Variants in SRRM1 observed in about 807,000 individuals in gnomAD.
The protein encoded by SRRM1 is serine and arginine repetitive matrix 1.
Under a neutral mutation model 110.2 loss-of-function variants are expected in SRRM1, and 19 were observed. That is an observed-to-expected ratio of 0.17 (90% confidence interval 0.12 to 0.25). The LOEUF is 0.25. Among genes scored for constraint, SRRM1 ranks in the 10% least tolerant of loss-of-function variants. The pLI is 1.00. For missense variants in SRRM1, 918 were observed against 1,145.8 expected, an observed-to-expected ratio of 0.80 and a Z score of 2.87; for synonymous variants, 443 against 414.9, an observed-to-expected ratio of 1.07 and a Z score of -0.82.
At chr1:24,659,172 C>A (rs1364397626) in intron 9 of SRRM1, among the ~76,000 whole-genome samples, 3 of 147,836 alleles carry the variant, frequency 2.0e-5, no homozygotes, top group African/African-American at 5.0e-5. Context: ...CCAGCCTAGG[C>A]AACAAGAGCG....
intron 12 of SRRM1, among the ~76,000 whole-genome samples, chr1:24,663,903 AATAATAAT>A (rs1247331536): frequency 6.8e-6 from 1 of 147,860 alleles, no homozygotes; most frequent in Non-Finnish European, 1.5e-5. Flanking sequence ...TAATAATAAT[AATAATAAT>A]AATAAATAAA....
At chr1:24,649,864 G>A (rs1659613159) in intron 4 of SRRM1, 107 bp from the exon 5 acceptor site, 1 of 981,198 alleles carries the variant, frequency 1.0e-6, no homozygotes, top group African/African-American at 1.7e-5. Flanking sequence ...CAAAAGAAGA[G>A]GCCGATGAAA....
intron 6 of SRRM1, 27 bp from the exon 7 acceptor site, chr1:24,652,401 CAAAAAA>C (rs60568839): frequency 8.3e-6 from 9 of 1,085,242 alleles, no homozygotes; most frequent in African/African-American, 2.3e-5. Flanking sequence ...TACAAGAAGG[CAAAAAA>C]AAAAAAAAAA....
At chr1:24,666,173 T>C (rs1341407247) in intron 12 of SRRM1, among the ~76,000 whole-genome samples, 1 of 152,194 alleles carries the variant, frequency 6.6e-6, no homozygotes, top group African/African-American at 2.4e-5. Context: ...TAAAAAGCAG[T>C]GCTCTTATGT....
At chr1:24,665,479 C>T (rs1463041055) in intron 12 of SRRM1, among the ~76,000 whole-genome samples, 1 of 150,084 alleles carries the variant, frequency 6.7e-6, no homozygotes, top group South Asian at 2.1e-4. Context: ...TTTGGGAGGC[C>T]GAGGCGGGTG....
In SRRM1 at chr1:24,662,731, A is replaced by G. The variant is rs753088260; in HGVS notation, c.1555A>G (p.Arg519Gly). Reference sequence around the variant, plus strand: ...CCATGTGAAGAATGGTGAGGTTGGCAGGCGGCGGAGACATTCCCCTTCCCG... The same window carrying G: ...CCATGTGAAGAATGGTGAGGTTGGCGGGCGGCGGAGACATTCCCCTTCCCG... ...RSHVKNGEVG[R>G]RRRHSPSRSA... Residue 519 changes from arginine (R) to glycine (G), a missense_variant, in exon 12 of 17, where the codon AGG becomes GGG. Coordinates refer to ENST00000323848, the MANE Select transcript of SRRM1 (RefSeq NM_005839.4). 2.5e-5 allele frequency: 40 copies of G among 1,614,094 alleles called. No individual in the cohort carries two copies. The highest frequency in any genetic ancestry group is 3.4e-5 in the Non-Finnish European group (40 of 1,180,042).
chr1:24,662,351 A>G (rs1358462327), intron 11 of SRRM1, among the ~76,000 whole-genome samples: 2 of 152,216 alleles, frequency 1.3e-5, no homozygotes, highest in African/African-American at 2.4e-5. Flanking sequence ...AGGAGGCACA[A>G]GCGGTCTTTC....
At chr1:24,644,151 C>T (rs1186320068) in intron 1 of SRRM1, among the ~76,000 whole-genome samples, 1 of 152,142 alleles carries the variant, frequency 6.6e-6, no homozygotes, top group African/African-American at 2.4e-5. Context: ...CTAGGCTCTG[C>T]CAGCGTCGTC....
At chr1:24,649,094 A>T in intron 4 of SRRM1, 65 bp downstream of exon 4, 1 of 1,441,520 alleles carries the variant, frequency 6.9e-7, no homozygotes, top group Non-Finnish European at 9.6e-7. Flanking sequence ...GAGACACCTT[A>T]GGTAGTATAT....
chr1:24,669,982 A>C lies in SRRM1; in HGVS notation c.2205-138A>C. The C allele has an allele frequency of 3.8e-6, 3 of 783,422 alleles. No individual in the cohort carries two copies. The South Asian group carries it at 5.7e-5, about 15-fold the overall frequency. 48.5% of individuals were successfully genotyped at this position (783,422 alleles called of 1,614,324 possible). A position where few individuals can be genotyped will look rare whatever the true frequency, so the allele number is the denominator to read the frequency against. ...GAAACATAGGTAATGTAAATTGGAT[A>C]TATGTTAGTTGAATCAACCAGCAAT... On this transcript the variant is annotated intron_variant, in intron 14 of 16. Coordinates refer to ENST00000323848, the MANE Select transcript of SRRM1 (RefSeq NM_005839.4).
In SRRM1 at chr1:24,671,330, C is replaced by T. The variant is rs983196795; in HGVS notation, c.2401-56C>T. 1.1e-5 allele frequency: 16 copies of T among 1,469,100 alleles called. No homozygotes were observed. In the African/African-American group the frequency reaches 1.4e-4, roughly 13 times the overall value. The allele number at this position is 1,469,100 out of a possible 1,614,324, so 91.0% of individuals were successfully genotyped here. On this transcript the variant is annotated intron_variant, in intron 15 of 16. Coordinates refer to ENST00000323848, the MANE Select transcript of SRRM1 (RefSeq NM_005839.4). Reference sequence around the variant, plus strand: ...TGAGGAAATAAAATGTTCAGTTGGACAGAATATTAATCAGATTGATTATAA... The same window carrying T: ...TGAGGAAATAAAATGTTCAGTTGGATAGAATATTAATCAGATTGATTATAA...
chr1:24,669,027 G>C, intron 13 of SRRM1, 96 bp from the exon 14 acceptor site: 1 of 923,344 alleles, frequency 1.1e-6, no homozygotes, highest in East Asian at 2.6e-5. Flanking sequence ...CCTTTGCCTA[G>C]TGCTAACTAC....
In SRRM1 at chr1:24,672,172, T is replaced by G. The variant is rs762789937; in HGVS notation, c.2611-10T>G. The G allele has an allele frequency of 1.3e-5, 20 of 1,579,862 alleles. No individual in the cohort carries two copies. Among genetic ancestry groups the G allele is most frequent in the Non-Finnish European group, 1.7e-5 (20 of 1,156,318 alleles). The stretch of plus-strand genomic sequence containing the variant: ...TCAAGACTTAACCGTGTAAATTCTG[T>G]TTTTTTTAGGAGACTGAAAGTGAAG... On this transcript the variant is annotated splice_polypyrimidine_tract_variant and intron_variant, in intron 16 of 16. Transcript: ENST00000323848.
At chr1:24,651,869 G>T (rs990454614) in intron 6 of SRRM1, among the ~76,000 whole-genome samples, 6 of 150,740 alleles carry the variant, frequency 4.0e-5, no homozygotes, top group Non-Finnish European at 8.9e-5. Context: ...TCAACGTATT[G>T]TGGACAACTT....
chr1:24,646,371 C>CA (rs1271859113), intron 2 of SRRM1, among the ~76,000 whole-genome samples: 38 of 151,908 alleles, frequency 2.5e-4, no homozygotes, highest in African/African-American at 8.9e-4. Context: ...ACTAAAAATA[C>CA]AAAAAATTAG....
At chr1:24,646,381 G>C (rs1182276719) in intron 2 of SRRM1, among the ~76,000 whole-genome samples, 1 of 152,102 alleles carries the variant, frequency 6.6e-6, no homozygotes, top group Non-Finnish European at 1.5e-5. Context: ...CAAAAAATTA[G>C]CCGGGCGTGG....
chr1:24,660,675 C>CT (rs766449413), intron 9 of SRRM1, 44 bp from the exon 10 acceptor site: 13 of 1,122,202 alleles, frequency 1.2e-5, no homozygotes, highest in African/African-American at 1.1e-4. Flanking sequence ...TTGTATAGAC[C>CT]TTTTTTTGTA....
chr1:24,670,840 A>C (rs1672359595), intron 15 of SRRM1, among the ~76,000 whole-genome samples: 2 of 151,930 alleles, frequency 1.3e-5, no homozygotes, highest in Non-Finnish European at 1.5e-5. Flanking sequence ...GAAGTGTGAA[A>C]TTGAAATATT....
intron 12 of SRRM1, among the ~76,000 whole-genome samples, chr1:24,666,404 G>C (rs1352506064): frequency 6.6e-6 from 1 of 152,078 alleles, no homozygotes; most frequent in African/African-American, 2.4e-5. Context: ...TGCTGCCCTT[G>C]GGGTTAATGA....
Sources: gnomAD v4.1 joint callset for allele counts (sites outside exome capture counted in the v4.1 genomes callset) on GRCh38, gnomAD v4.1.1 for gene constraint, MANE v1.5 for transcripts, NCBI Gene and HGNC (gene_info 2026-07-23, HGNC 2026-07-21) for gene names.